ST3GAL3: variants seen among roughly 807,000 people sequenced by gnomAD.
ST3GAL3 encodes the protein CMP-N-acetylneuraminate-beta-1,4-galactoside alpha-2,3-sialyltransferase.
A neutral mutation model predicts 50.1 loss-of-function variants in ST3GAL3; 21 were observed. The observed-to-expected ratio is 0.42, with a 90% confidence interval of 0.30 to 0.60. ST3GAL3 has a LOEUF of 0.60. Ranked by LOEUF, ST3GAL3 falls within the 20% of genes least tolerant of loss-of-function variation. The probability of loss-of-function intolerance (pLI) is 0.19; values close to 1 mark genes in which losing one functional copy is unlikely to be tolerated. For synonymous variants in ST3GAL3, 183 were observed against 190.0 expected (o/e 0.96, Z 0.30); for missense variants, 353 against 489.4 (o/e 0.72, Z 2.63).
chr1:43,909,498 G>A (rs1008972595), intron 9 of ST3GAL3, among the ~76,000 whole-genome samples: 6 of 152,152 alleles, frequency 3.9e-5, no homozygotes, highest in South Asian at 2.1e-4. Context: ...TTTGTTCATC[G>A]CTTTTTTCCA....
intron 5 of ST3GAL3, among the ~76,000 whole-genome samples, chr1:43,890,114 TC>T (rs1173423544): frequency 7.9e-5 from 12 of 152,124 alleles, no homozygotes; most frequent in Admixed American, 7.9e-4. Flanking sequence ...AGAGCCTATC[TC>T]AAAAAAAAAT....
chr1:43,762,409 CTTAAA>C (rs1482505160), intron 2 of ST3GAL3, among the ~76,000 whole-genome samples: 1 of 152,036 alleles, frequency 6.6e-6, no homozygotes, highest in African/African-American at 2.4e-5. Flanking sequence ...CCCTCTAGCC[CTTAAA>C]TTAATGCATG....
intron 2 of ST3GAL3, among the ~76,000 whole-genome samples, chr1:43,787,440 GC>G (rs2057487439): frequency 6.6e-6 from 1 of 152,066 alleles, no homozygotes; most frequent in African/African-American, 2.4e-5. Context: ...ATAATGAATG[GC>G]CAAACTGTTT....
At chr1:43,850,889 G>T in intron 5 of ST3GAL3, 1 of 1,255,560 alleles carries the variant, frequency 8.0e-7, no homozygotes, top group Non-Finnish European at 1.2e-6. Flanking sequence ...GAGACTCCAG[G>T]TTGTACAGAA....
At chr1:43,747,890 A>T (rs1216138768) in intron 2 of ST3GAL3, among the ~76,000 whole-genome samples, 4 of 151,918 alleles carry the variant, frequency 2.6e-5, no homozygotes, top group African/African-American at 9.7e-5. Context: ...CAGCTCAGGG[A>T]TTTTTATGGA....
intron 5 of ST3GAL3, chr1:43,839,251 A>G (rs549204879): frequency 6.6e-6 from 1 of 152,434 alleles, no homozygotes; most frequent in South Asian, 2.1e-4. Context: ...AGCAAGGGCT[A>G]TGCTGGCTGA....
intron 5 of ST3GAL3, among the ~76,000 whole-genome samples, chr1:43,880,136 G>A (rs576007288): frequency 5.9e-5 from 9 of 152,296 alleles, no homozygotes; most frequent in Admixed American, 4.6e-4. Context: ...AGGCATTTAC[G>A]GAGCACCTGC....
At chr1:43,918,426 C>A (rs2082450756) in intron 9 of ST3GAL3, among the ~76,000 whole-genome samples, 3 of 152,044 alleles carry the variant, frequency 2.0e-5, no homozygotes, top group African/African-American at 7.2e-5. Context: ...CCTAGATTTC[C>A]CTTTTTTTGT....
chr1:43,760,417 C>T (rs948486111), intron 2 of ST3GAL3, among the ~76,000 whole-genome samples: 4 of 152,142 alleles, frequency 2.6e-5, no homozygotes, highest in Admixed American at 6.5e-5. Context: ...ACCCATAATG[C>T]GCAAATGACT....
chr1:43,793,208 G>A (rs1321923786), intron 3 of ST3GAL3, among the ~76,000 whole-genome samples: 3 of 152,066 alleles, frequency 2.0e-5, no homozygotes, highest in African/African-American at 4.8e-5. Flanking sequence ...TCTTACAATC[G>A]CTTTTTATTT....
chr1:43,875,237 G>A (rs1327775431), intron 5 of ST3GAL3, among the ~76,000 whole-genome samples: 4 of 152,286 alleles, frequency 2.6e-5, no homozygotes, highest in Admixed American at 6.5e-5. Context: ...AGGATTGTAC[G>A]AGTTTAGCTA....
intron 1 of ST3GAL3, among the ~76,000 whole-genome samples, chr1:43,709,776 G>C (rs947269285): frequency 1.3e-5 from 2 of 152,090 alleles, no homozygotes; most frequent in African/African-American, 2.4e-5. Context: ...GAACCCGGGA[G>C]GTGGAGGTTG....
intron 5 of ST3GAL3, among the ~76,000 whole-genome samples, chr1:43,849,089 C>G (rs1238037403): frequency 6.6e-6 from 1 of 152,112 alleles, no homozygotes; most frequent in Non-Finnish European, 1.5e-5. Context: ...CCCTTCATAG[C>G]AGTTTTGGGA....
intron 5 of ST3GAL3, among the ~76,000 whole-genome samples, chr1:43,893,829 C>T (rs2076988475): frequency 6.6e-6 from 1 of 152,114 alleles, no homozygotes; most frequent in Non-Finnish European, 1.5e-5. Context: ...TCCTAGGACT[C>T]TGCTTTTTCT....
intron 5 of ST3GAL3, among the ~76,000 whole-genome samples, chr1:43,891,165 T>C (rs1384106250): frequency 6.6e-6 from 1 of 152,166 alleles, no homozygotes; most frequent in African/African-American, 2.4e-5. Context: ...AAAAATCTTT[T>C]CATACAAGAA....
intron 2 of ST3GAL3, among the ~76,000 whole-genome samples, chr1:43,770,673 A>G (rs569463386): frequency 6.6e-6 from 1 of 152,208 alleles, no homozygotes; most frequent in African/African-American, 2.4e-5. Context: ...TGAGAGTACT[A>G]CAGATGCACA....
At chr1:43,814,231 A>G (rs575061206) in intron 3 of ST3GAL3, among the ~76,000 whole-genome samples, 3 of 152,268 alleles carry the variant, frequency 2.0e-5, no homozygotes, top group Non-Finnish European at 4.4e-5. Flanking sequence ...TCCTATGTTT[A>G]TGTCCACTTT....
At chr1:43,777,864 G>T (rs765706751) in intron 2 of ST3GAL3, among the ~76,000 whole-genome samples, 2 of 152,140 alleles carry the variant, frequency 1.3e-5, no homozygotes, top group African/African-American at 4.8e-5. Context: ...GTGGAAGACA[G>T]TGTGGCAATT....
chr1:43,894,104 C>G, intron 5 of ST3GAL3: 4 of 467,610 alleles, frequency 8.6e-6, no homozygotes, highest in Non-Finnish European at 1.6e-5. Context: ...GCTTCCAGCT[C>G]TGAGAAATTG....
Sources: allele counts gnomAD v4.1 joint callset (sites outside exome capture counted in the v4.1 genomes callset), GRCh38; gene constraint gnomAD v4.1.1; transcripts MANE v1.5; gene names NCBI Gene and HGNC (gene_info 2026-07-23, HGNC 2026-07-21).